The following SESTD1 variants were observed in gnomAD, a reference collection of about 807,000 sequenced individuals.
The protein encoded by SESTD1 is SEC14 and spectrin domain containing 1.
Under a neutral mutation model 101.7 loss-of-function variants are expected in SESTD1, and 43 were observed. The ratio of observed to expected loss-of-function variants is 0.42; its 90% CI spans 0.33 to 0.55. The LOEUF is 0.55. Ranked by LOEUF, SESTD1 falls within the 20% of genes least tolerant of loss-of-function variation. The probability of loss-of-function intolerance (pLI) is 0.07; values close to 1 mark genes in which losing one functional copy is unlikely to be tolerated. For missense variants in SESTD1, 647 were observed against 815.1 expected (o/e 0.79, Z 2.51); for synonymous variants, 283 against 286.8 (o/e 0.99, Z 0.13).
At chr2:179,253,239 A>C (rs6433770) in intron 1 of SESTD1, among the ~76,000 whole-genome samples, 44,471 of 152,122 alleles carry the variant, frequency 0.29, 6,852 homozygotes, top group South Asian at 0.43. Flanking sequence ...AACAAACAAA[A>C]AAAAAACACC....
chr2:179,154,266 A>G (rs1348920774), intron 5 of SESTD1, among the ~76,000 whole-genome samples: 1 of 144,162 alleles, frequency 6.9e-6, no homozygotes, highest in African/African-American at 2.5e-5. Context: ...GGAAAGAAGA[A>G]AGGGAAGGAA....
At chr2:179,230,678 A>C (rs2105537808) in intron 1 of SESTD1, among the ~76,000 whole-genome samples, 1 of 152,252 alleles carries the variant, frequency 6.6e-6, no homozygotes, top group East Asian at 1.9e-4. Flanking sequence ...AGTTGGTAAA[A>C]TGGAAGCTAA....
At chr2:179,127,040 A>G (rs1362709058) in intron 10 of SESTD1, among the ~76,000 whole-genome samples, 1 of 152,230 alleles carries the variant, frequency 6.6e-6, no homozygotes, top group African/African-American at 2.4e-5. Context: ...AAAAGTTTCA[A>G]ATAACTTCAC....
chr2:179,258,799 T>A (rs2047438024), intron 1 of SESTD1, among the ~76,000 whole-genome samples: 1 of 152,196 alleles, frequency 6.6e-6, no homozygotes, highest in African/African-American at 2.4e-5. Flanking sequence ...GGTAATAAAT[T>A]ATTTAGATAA....
intron 1 of SESTD1, among the ~76,000 whole-genome samples, chr2:179,262,802 TTAG>T: frequency 6.6e-6 from 1 of 152,342 alleles, no homozygotes; most frequent in East Asian, 1.9e-4. Context: ...AGATATATCA[TTAG>T]TAGATTACCT....
chr2:179,234,051 G>A (rs2047024369), intron 1 of SESTD1, among the ~76,000 whole-genome samples: 1 of 152,210 alleles, frequency 6.6e-6, no homozygotes, highest in South Asian at 2.1e-4. Flanking sequence ...GAGTAAATCA[G>A]TTTGCCCTCC....
In SESTD1 at chr2:179,230,239, G is replaced by A. The variant is rs149068501; in HGVS notation, c.-26+34260C>T. Among the ~76,000 whole-genome samples, 1,236 of 143,646 alleles carry A rather than the reference G, an allele frequency of 8.6e-3. 9 individuals are homozygous for A. The highest frequency in any genetic ancestry group is 0.029 in the African/African-American group (1,149 of 39,014). 94.2% of individuals were successfully genotyped at this position (143,646 alleles called of 152,430 possible). A position where few individuals can be genotyped will look rare whatever the true frequency, so the allele number is the denominator to read the frequency against. ...ACCTCCACCTCCTGGGCTCTCAAGT[G>A]ATCTTCCCACCTCAACCTCCTCAGT... On this transcript the variant is annotated intron_variant, in intron 1 of 17. Coordinates refer to ENST00000428443, the MANE Select transcript of SESTD1 (RefSeq NM_178123.5).
intron 1 of SESTD1, among the ~76,000 whole-genome samples, chr2:179,245,038 G>A (rs980770314): frequency 2.6e-5 from 4 of 152,112 alleles, no homozygotes; most frequent in African/African-American, 7.2e-5. Context: ...ACTCAAAAAC[G>A]AAACACATGA....
At chr2:179,123,668 TAAA>T (rs5836671) in intron 12 of SESTD1, 44 bp downstream of exon 12, 3 of 988,714 alleles carry the variant, frequency 3.0e-6, no homozygotes, top group Non-Finnish European at 4.4e-6. Context: ...TAATGATATT[TAAA>T]AAAAAAAAAA....
rs767507808 is a variant in SESTD1, at chr2:179,115,146, T to G, written c.1758A>C (p.Val586=). 29 of 1,613,842 alleles carry G rather than the reference T, an allele frequency of 1.8e-5. No individual in the cohort carries two copies. Among genetic ancestry groups the G allele is most frequent in the Non-Finnish European group, 2.3e-5 (27 of 1,179,962 alleles). The change falls in exon 16 of 18, where the codon GTA becomes GTC. Residue 586 remains valine (V), a synonymous_variant. Transcript: ENST00000428443. ...SGDTLPRLNR[V]WKQFTIASEE... ...CAGATGCTATTGTAAATTGTTTCCA[T>G]ACTCTGTTCAGTCGAGGAAGTGTAT...
intron 9 of SESTD1, among the ~76,000 whole-genome samples, chr2:179,140,206 T>C (rs1042564938): frequency 6.6e-6 from 1 of 152,136 alleles, no homozygotes; most frequent in Non-Finnish European, 1.5e-5. Context: ...ACCCCTCCTA[T>C]AGGCTGAACT....
rs933361094 is a variant in SESTD1, at chr2:179,264,797, C to T, written c.-324G>A. ...GACCCCGCGCGCGCCCGGGTGACGGCGGTACAGCAACCCGCCCGGCGCGGG... is the reference window on the plus strand; with the variant it reads ...GACCCCGCGCGCGCCCGGGTGACGGTGGTACAGCAACCCGCCCGGCGCGGG... On this transcript the variant is annotated 5_prime_UTR_variant, in exon 1 of 18. Transcript: ENST00000428443. 11 of 151,214 alleles carry T rather than the reference C, an allele frequency of 7.3e-5. No homozygotes were observed. The South Asian group carries it at 1.4e-3, about 19-fold the overall frequency. 9.4% of individuals were successfully genotyped at this position (151,214 alleles called of 1,614,324 possible). A position where few individuals can be genotyped will look rare whatever the true frequency, so the allele number is the denominator to read the frequency against.
Position 179,115,127 on chromosome 2 carries a change from C to G in SESTD1, c.1777G>C (p.Ala593Pro). The change falls in exon 16 of 18, where the codon GCA (alanine) becomes CCA (proline). Residue 593 changes from alanine (A) to proline (P), a missense_variant. By Grantham distance (27) the Ala-to-Pro change is conservative. Coordinates refer to ENST00000428443, the MANE Select transcript of SESTD1 (RefSeq NM_178123.5). ...LNRVWKQFTI[A>P]SEERVHRLEM... Reference sequence around the variant, plus strand: ...AATCTATGTACTCTCTCTTCAGATGCTATTGTAAATTGTTTCCATACTCTG... The same window carrying G: ...AATCTATGTACTCTCTCTTCAGATGGTATTGTAAATTGTTTCCATACTCTG... The G allele has an allele frequency of 6.2e-7, 1 of 1,613,272 alleles. No individual in the cohort carries two copies. Among genetic ancestry groups the G allele is most frequent in the Non-Finnish European group, 8.5e-7 (1 of 1,179,792 alleles).
intron 1 of SESTD1, among the ~76,000 whole-genome samples, chr2:179,249,212 T>TAAAAAAA (rs58597141): frequency 7.9e-6 from 1 of 126,004 alleles, no homozygotes; most frequent in East Asian, 2.3e-4. Context: ...GCATACAGAT[T>TAAAAAAA]AAAAAAAAAA....
chr2:179,213,523 T>C lies in SESTD1; in HGVS notation c.-25-21657A>G, dbSNP rs767215873. ...GTGAAAAGACCAAATCTACGTTTGA[T>C]TGGTGTACCTGAAAGTGAGAAGGAG... On this transcript the variant is annotated intron_variant, in intron 1 of 17. Transcript: ENST00000428443. Among the ~76,000 whole-genome samples the C allele has an allele frequency of 6.8e-4, 92 of 135,376 alleles. 15 individuals carry two copies. The highest frequency in any genetic ancestry group is 1.2e-3 in the Non-Finnish European group (77 of 62,948). The allele number at this position is 135,376 out of a possible 152,430, so 88.8% of individuals were successfully genotyped here. A position where few individuals can be genotyped will look rare whatever the true frequency, so the allele number is the denominator to read the frequency against.
chr2:179,238,856 C>T (rs1156641334), intron 1 of SESTD1, among the ~76,000 whole-genome samples: 2 of 152,154 alleles, frequency 1.3e-5, no homozygotes, highest in Non-Finnish European at 2.9e-5. Context: ...CTCTTTTCTC[C>T]TTCTTTTCTT....
chr2:179,188,288 C>T (rs1490998), intron 2 of SESTD1, among the ~76,000 whole-genome samples: 79,973 of 152,018 alleles, frequency 0.53, 22,547 homozygotes, highest in East Asian at 0.77. Flanking sequence ...CTCTCAAAAC[C>T]ACACAATTAC....
At chr2:179,120,021 G>A (rs2044713171) in intron 13 of SESTD1, among the ~76,000 whole-genome samples, 1 of 152,102 alleles carries the variant, frequency 6.6e-6, no homozygotes, top group Non-Finnish European at 1.5e-5. Context: ...ACGAGGTCAG[G>A]AGTTTGAAAC....
chr2:179,260,150 T>C (rs971489878), intron 1 of SESTD1, among the ~76,000 whole-genome samples: 1 of 152,254 alleles, frequency 6.6e-6, no homozygotes, highest in African/African-American at 2.4e-5. Context: ...TTTTGTTAGA[T>C]GCAACTACTG....
Sources: allele counts gnomAD v4.1 joint callset (sites outside exome capture counted in the v4.1 genomes callset), GRCh38; gene constraint gnomAD v4.1.1; transcripts MANE v1.5; gene names NCBI Gene and HGNC (gene_info 2026-07-23, HGNC 2026-07-21).